Variants in CPLX4 observed in about 807,000 individuals in gnomAD.
CPLX4 encodes complexin 4.
In CPLX4, 17 loss-of-function variants were observed where a neutral mutation model predicts 16.1. That is an observed-to-expected ratio of 1.06 (90% CI 0.72 to 1.59). The LOEUF (loss-of-function observed/expected upper bound fraction) is 1.59, where lower values mean the gene tolerates loss of function less well. Among genes scored for constraint, CPLX4 ranks in the 40% most tolerant of loss-of-function variants. The pLI is 0.00. For missense variants in CPLX4, 193 were observed against 192.9 expected (o/e 1.00, Z 0.00); for synonymous variants, 55 against 57.8 (o/e 0.95, Z 0.22).
intron 2 of CPLX4, among the ~76,000 whole-genome samples, chr18:59,304,561 T>C (rs941490365): frequency 2.0e-5 from 3 of 152,170 alleles, no homozygotes; most frequent in African/African-American, 7.2e-5. Context: ...CACTTTGTTC[T>C]TTGGGCATTT....
At chr18:59,300,007 G>A (rs561894) in intron 2 of CPLX4, among the ~76,000 whole-genome samples, 79,942 of 152,088 alleles carry the variant, frequency 0.53, 21,145 homozygotes, top group African/African-American at 0.59. Context: ...AACCCAGCAA[G>A]GTTTCTGGCA....
At chr18:59,297,605 T>G (rs2070510612) in intron 2 of CPLX4, among the ~76,000 whole-genome samples, 1 of 152,102 alleles carries the variant, frequency 6.6e-6, no homozygotes, top group East Asian at 1.9e-4. Context: ...AGAATGTCTT[T>G]CTCTCTGTGA....
intron 1 of CPLX4, among the ~76,000 whole-genome samples, chr18:59,315,795 G>T (rs2070647552): frequency 6.6e-6 from 1 of 152,164 alleles, no homozygotes; most frequent in African/African-American, 2.4e-5. Flanking sequence ...TTCCTGGTCT[G>T]ATTATTTTGG....
intron 2 of CPLX4, among the ~76,000 whole-genome samples, chr18:59,300,787 G>C (rs1210507153): frequency 6.6e-6 from 1 of 152,216 alleles, no homozygotes; most frequent in Non-Finnish European, 1.5e-5. Context: ...GGTTAGCTCT[G>C]TCAGGAGGCT....
At chr18:59,308,413 A>G (rs967825346) in intron 2 of CPLX4, among the ~76,000 whole-genome samples, 9 of 151,606 alleles carry the variant, frequency 5.9e-5, no homozygotes, top group African/African-American at 1.9e-4. Context: ...CCGTTATGCC[A>G]TGGGAGGATA....
At chr18:59,301,343 C>T (rs1161172032) in intron 2 of CPLX4, among the ~76,000 whole-genome samples, 3 of 151,998 alleles carry the variant, frequency 2.0e-5, no homozygotes, top group African/African-American at 7.3e-5. Context: ...AAACATGGGC[C>T]CCAGGGCAGT....
At chr18:59,315,797 T>G (rs2070647577) in intron 1 of CPLX4, among the ~76,000 whole-genome samples, 2 of 152,218 alleles carry the variant, frequency 1.3e-5, no homozygotes, top group Non-Finnish European at 2.9e-5. Context: ...CCTGGTCTGA[T>G]TATTTTGGCG....
At chr18:59,297,500 G>A (rs749888200) in intron 2 of CPLX4, among the ~76,000 whole-genome samples, 13 of 151,930 alleles carry the variant, frequency 8.6e-5, no homozygotes, top group African/African-American at 1.7e-4. Context: ...GGCTGGTCTC[G>A]AACTCCTGAC....
At chr18:59,314,563 G>C (rs2070639958) in intron 1 of CPLX4, among the ~76,000 whole-genome samples, 1 of 152,036 alleles carries the variant, frequency 6.6e-6, no homozygotes, top group South Asian at 2.1e-4. Context: ...ACCATTCAAT[G>C]ATTCCCCAAA....
In CPLX4 at chr18:59,318,426, C is replaced by T; in HGVS notation, c.37G>A (p.Val13Ile). The T allele has an allele frequency of 6.2e-7, 1 of 1,613,608 alleles. No individual in the cohort carries two copies. ...CCACCACCAAATCCTAAATTCTTTA[C>T]CTGGTTACTTATCATACTTTTCATA... ...FLMKSMISNQVKNLGFGGGSE... is the reference protein window; with the variant it reads ...FLMKSMISNQIKNLGFGGGSE... Residue 13 changes from valine (V) to isoleucine (I), a missense_variant, in exon 1 of 3, where the codon GTA (valine) becomes ATA (isoleucine). Coordinates refer to ENST00000299721, the MANE Select transcript of CPLX4 (RefSeq NM_181654.4).
At chr18:59,312,825 C>T in intron 1 of CPLX4, 53 bp from the exon 2 acceptor site, 3 of 859,094 alleles carry the variant, frequency 3.5e-6, no homozygotes, top group East Asian at 5.0e-5. Context: ...AAGGACATTC[C>T]TGCCCGTGCT....
At chr18:59,297,709 C>G (rs2070511405) in intron 2 of CPLX4, among the ~76,000 whole-genome samples, 1 of 152,208 alleles carries the variant, frequency 6.6e-6, no homozygotes, top group Non-Finnish European at 1.5e-5. Flanking sequence ...CATGCCAAGA[C>G]CCACTCACCT....
At chr18:59,317,333 T>G (rs1251620273) in intron 1 of CPLX4, among the ~76,000 whole-genome samples, 1 of 152,140 alleles carries the variant, frequency 6.6e-6, no homozygotes, top group Non-Finnish European at 1.5e-5. Context: ...ACCTCTAGAT[T>G]GATGTTTCAT....
At chr18:59,308,640 C>T (rs912566888) in intron 2 of CPLX4, among the ~76,000 whole-genome samples, 8 of 151,700 alleles carry the variant, frequency 5.3e-5, no homozygotes, top group African/African-American at 1.9e-4. Context: ...CCCGCGGGTG[C>T]CAGTGGCCGC....
At chr18:59,316,799 T>C (rs1299030263) in intron 1 of CPLX4, among the ~76,000 whole-genome samples, 1 of 152,178 alleles carries the variant, frequency 6.6e-6, no homozygotes, top group African/African-American at 2.4e-5. Flanking sequence ...TCGGATCTGC[T>C]GCTTGAACAT....
intron 2 of CPLX4, among the ~76,000 whole-genome samples, chr18:59,304,246 T>C (rs2070560963): frequency 6.6e-6 from 1 of 152,196 alleles, no homozygotes; most frequent in Non-Finnish European, 1.5e-5. Context: ...TAACCTAGAT[T>C]GACAATTCTG....
chr18:59,305,735 G>A (rs2070572235), intron 2 of CPLX4, among the ~76,000 whole-genome samples: 1 of 152,172 alleles, frequency 6.6e-6, no homozygotes, highest in Non-Finnish European at 1.5e-5. Context: ...TGGTCTGGAG[G>A]TATAGATTTG....
chr18:59,308,455 A>T (rs903716897), intron 2 of CPLX4, among the ~76,000 whole-genome samples: 2 of 146,978 alleles, frequency 1.4e-5, no homozygotes, highest in Non-Finnish European at 3.0e-5. Flanking sequence ...TAATAACAAA[A>T]TAGTAAGGCT....
At chr18:59,308,421 A>C (rs2070592212) in intron 2 of CPLX4, among the ~76,000 whole-genome samples, 1 of 151,006 alleles carries the variant, frequency 6.6e-6, no homozygotes, top group Non-Finnish European at 1.5e-5. Context: ...CCATGGGAGG[A>C]TAGAAAACGC....
Sources: gnomAD v4.1 joint callset for allele counts (sites outside exome capture counted in the v4.1 genomes callset) on GRCh38, gnomAD v4.1.1 for gene constraint, MANE v1.5 for transcripts, NCBI Gene and HGNC (gene_info 2026-07-23, HGNC 2026-07-21) for gene names.